TP63: variants seen among roughly 807,000 people sequenced by gnomAD.
TP63 encodes the protein tumor protein p63.
A neutral mutation model predicts 82.8 loss-of-function variants in TP63; 17 were observed. That is an observed-to-expected ratio of 0.21 (90% CI 0.14 to 0.31). The LOEUF is 0.31. TP63 is among the 10% of genes least tolerant of loss of function. The probability of loss-of-function intolerance (pLI) is 1.00; values close to 1 mark genes in which losing one functional copy is unlikely to be tolerated. For missense variants in TP63, 648 were observed against 895.3 expected (o/e 0.72, Z 3.52); for synonymous variants, 330 against 321.7 (o/e 1.03, Z -0.28).
At chr3:189,635,396 G>A (rs1729710938) in intron 1 of TP63, among the ~76,000 whole-genome samples, 1 of 152,068 alleles carries the variant, frequency 6.6e-6, no homozygotes, top group African/African-American at 2.4e-5. Context: ...TCTGTGTTGG[G>A]CGTCCTTCAC....
intron 1 of TP63, among the ~76,000 whole-genome samples, chr3:189,705,984 A>C (rs967099982): frequency 1.2e-4 from 18 of 152,182 alleles, no homozygotes; most frequent in African/African-American, 4.1e-4. Flanking sequence ...TTAAGGAAAA[A>C]TTTATTAATT....
At chr3:189,741,639 A>G (rs1293626767) in intron 3 of TP63, among the ~76,000 whole-genome samples, 2 of 152,228 alleles carry the variant, frequency 1.3e-5, no homozygotes, top group Non-Finnish European at 2.9e-5. Flanking sequence ...ATAGACATGA[A>G]AAAACATGTC....
intron 3 of TP63, among the ~76,000 whole-genome samples, chr3:189,745,470 A>G (rs1026030894): frequency 6.6e-6 from 1 of 152,144 alleles, no homozygotes; most frequent in East Asian, 1.9e-4. Context: ...GAACTTCGGG[A>G]GGCTGAGGCG....
chr3:189,748,508 CAAAAAAAAAAAA>C (rs58926854), intron 3 of TP63, among the ~76,000 whole-genome samples: 2 of 31,258 alleles, frequency 6.4e-5, no homozygotes, highest in African/African-American at 1.3e-4. Context: ...AGGAAAACTA[CAAAAAAAAAAAA>C]AAAAAAAAAA....
chr3:189,689,755 A>C (rs903406598), intron 1 of TP63, among the ~76,000 whole-genome samples: 1 of 152,188 alleles, frequency 6.6e-6, no homozygotes, highest in Non-Finnish European at 1.5e-5. Context: ...TTAAGGCCAT[A>C]CATAAGAGGA....
intron 1 of TP63, among the ~76,000 whole-genome samples, chr3:189,670,339 A>G (rs777625698): frequency 1.3e-5 from 2 of 152,102 alleles, no homozygotes; most frequent in Non-Finnish European, 2.9e-5. Flanking sequence ...TATTTGTAGC[A>G]CACAATACAT....
At position 189,889,458 on chromosome 3, in the gene TP63, G is replaced by T. The variant is rs370637253; in HGVS notation, c.1626G>T (p.Pro542=). The T allele has an allele frequency of 5.6e-6, 9 of 1,613,560 alleles. No homozygotes were observed. The highest frequency in any genetic ancestry group is 7.6e-6 in the Non-Finnish European group (9 of 1,179,896). Reference sequence around the variant, plus strand: ...CCTCCCACTGCACACCCCCACCTCCGTATCCCACAGATTGCAGCATTGTCA... The same window carrying T: ...CCTCCCACTGCACACCCCCACCTCCTTATCCCACAGATTGCAGCATTGTCA... ...PSTSHCTPPP[P]YPTDCSIVSF... is the part of the protein sequence containing the mutation. Residue 542 remains proline (P), a synonymous_variant, in exon 12 of 14, where the codon CCG becomes CCT. Coordinates refer to ENST00000264731, the MANE Select transcript of TP63 (RefSeq NM_003722.5).
At chr3:189,788,442 T>C (rs148539724) in intron 3 of TP63, among the ~76,000 whole-genome samples, 18 of 152,126 alleles carry the variant, frequency 1.2e-4, no homozygotes, top group African/African-American at 3.4e-4. Context: ...GAAATGTATG[T>C]TCTAATCTCT....
intron 3 of TP63, among the ~76,000 whole-genome samples, chr3:189,761,630 A>G (rs1339969121): frequency 1.3e-5 from 2 of 152,156 alleles, no homozygotes; most frequent in Non-Finnish European, 2.9e-5. Flanking sequence ...CAAACTGTTC[A>G]ACCTCTGCCC....
intron 3 of TP63, among the ~76,000 whole-genome samples, chr3:189,785,612 C>T (rs938393062): frequency 6.6e-6 from 1 of 151,830 alleles, no homozygotes; most frequent in Admixed American, 6.6e-5. Context: ...ACTGAGGGAC[C>T]GGAATGAACA....
intron 9 of TP63, among the ~76,000 whole-genome samples, chr3:189,870,681 A>G (rs958128237): frequency 6.6e-6 from 1 of 152,186 alleles, no homozygotes; most frequent in African/African-American, 2.4e-5. Context: ...ATCACTAATG[A>G]GATCACTTTA....
intron 1 of TP63, among the ~76,000 whole-genome samples, chr3:189,697,233 G>GAAT (rs1560117520): frequency 0.035 from 5,005 of 142,240 alleles, 298 homozygotes; most frequent in African/African-American, 0.12. Context: ...TCTAGGTTCA[G>GAAT]TTTTTTTTTT....
chr3:189,857,864 C>A (rs1471098865), intron 4 of TP63, among the ~76,000 whole-genome samples: 3 of 152,136 alleles, frequency 2.0e-5, no homozygotes, highest in Non-Finnish European at 4.4e-5. Flanking sequence ...GAGAAGAGAA[C>A]CTTTACATAC....
intron 11 of TP63, among the ~76,000 whole-genome samples, chr3:189,887,107 G>C (rs1720527380): frequency 6.6e-6 from 1 of 151,708 alleles, no homozygotes; most frequent in African/African-American, 2.4e-5. Flanking sequence ...TACTCAGGAG[G>C]CTGAGGCATG....
intron 3 of TP63, among the ~76,000 whole-genome samples, chr3:189,739,676 A>C (rs914388884): frequency 6.6e-6 from 1 of 152,156 alleles, no homozygotes; most frequent in Non-Finnish European, 1.5e-5. Flanking sequence ...TAGGTGTTAC[A>C]TACTTCCCAG....
chr3:189,677,195 T>C (rs1448246169), intron 1 of TP63, among the ~76,000 whole-genome samples: 4 of 150,754 alleles, frequency 2.7e-5, no homozygotes, highest in African/African-American at 9.7e-5. Context: ...CCATGGTGTG[T>C]GTTTGTGTGT....
intron 1 of TP63, among the ~76,000 whole-genome samples, chr3:189,704,225 C>G (rs1718033952): frequency 6.6e-6 from 1 of 152,214 alleles, no homozygotes. Flanking sequence ...CTGTCCTGCT[C>G]CAACCTAAAA....
At chr3:189,629,593 C>G (rs1317535355), upstream of TP63, among the ~76,000 whole-genome samples, 2 of 152,082 alleles carry the variant, frequency 1.3e-5, no homozygotes, top group African/African-American at 2.4e-5. Context: ...GCTCGCCACT[C>G]CAAAGTGTGG....
chr3:189,661,539 T>A (rs1413422004), intron 1 of TP63, among the ~76,000 whole-genome samples: 1 of 152,146 alleles, frequency 6.6e-6, no homozygotes, highest in Non-Finnish European at 1.5e-5. Flanking sequence ...GTTTTCTTTT[T>A]TCATTTTGCC....
Sources: allele counts gnomAD v4.1 joint callset (sites outside exome capture counted in the v4.1 genomes callset), GRCh38; gene constraint gnomAD v4.1.1; transcripts MANE v1.5; gene names NCBI Gene and HGNC (gene_info 2026-07-23, HGNC 2026-07-21).